ATP6V1G3: variants seen among roughly 807,000 people sequenced by gnomAD.
ATP6V1G3 encodes the protein ATPase H+ transporting V1 subunit G3, also known as V-type proton ATPase subunit G 3.
ATP6V1G3 carries 9 observed loss-of-function variants against 9.3 expected under a neutral mutation model. The ratio of observed to expected loss-of-function variants is 0.97; its 90% confidence interval spans 0.59 to 1.69. The LOEUF (loss-of-function observed/expected upper bound fraction) is 1.69. Ranked by LOEUF, ATP6V1G3 falls within the 40% of genes most tolerant of loss-of-function variation. The pLI is 0.00. For synonymous variants in ATP6V1G3, 43 were observed against 43.8 expected, an observed-to-expected ratio of 0.98 and a Z score of 0.07; for missense variants, 133 against 139.0, an observed-to-expected ratio of 0.96 and a Z score of 0.22.
rs141875719 is a variant in ATP6V1G3 at position 198,524,164 on chromosome 1, G to A, written c.184-600C>T. ...TTTTTAGATGGGTTCTCACTGTGTCGCCCAGGCTGGAGTGCAATAGCGTAG... is the reference window on the plus strand; with the variant it reads ...TTTTTAGATGGGTTCTCACTGTGTCACCCAGGCTGGAGTGCAATAGCGTAG... On this transcript the variant is annotated intron_variant, in intron 2 of 2. Transcript: ENST00000367382. Among the ~76,000 whole-genome samples, 797 of 141,314 alleles carry A rather than the reference G, an allele frequency of 5.6e-3. 18 individuals are homozygous for A. The highest frequency in any genetic ancestry group is 0.048 in the Admixed American group (660 of 13,614). The allele number at this position is 141,314 out of a possible 152,430, so 92.7% of individuals were successfully genotyped here.
chr1:198,531,012 AT>A (rs1659877125), intron 1 of ATP6V1G3, among the ~76,000 whole-genome samples: 1 of 152,192 alleles, frequency 6.6e-6, no homozygotes, highest in East Asian at 1.9e-4. Context: ...TAAAAAAAAA[AT>A]CATAGGAAAG....
rs548534525 is a variant in ATP6V1G3 at position 198,532,772 on chromosome 1, T to G, written c.83-3591A>C. Among the ~76,000 whole-genome samples the G allele has an allele frequency of 2.6e-5, 4 of 152,180 alleles. 1 individual carries two copies. Among genetic ancestry groups the G allele is most frequent in the Admixed American group, 1.3e-4 (2 of 15,278 alleles). ...TCCTCCAGGCAGAGGGAACAGCAAGTGCAGAGGCCCTGAGGTGGGAGGATA... is the reference window on the plus strand; with the variant it reads ...TCCTCCAGGCAGAGGGAACAGCAAGGGCAGAGGCCCTGAGGTGGGAGGATA... On this transcript the variant is annotated intron_variant, in intron 1 of 2. Transcript: ENST00000367382.
intron 1 of ATP6V1G3, among the ~76,000 whole-genome samples, chr1:198,534,209 G>T (rs138646156): frequency 0.014 from 2,070 of 152,250 alleles, 20 homozygotes; most frequent in Non-Finnish European, 0.021. Flanking sequence ...TTAAAATGAG[G>T]TATAAGGGAT....
At chr1:198,530,253 A>T (rs770255792) in intron 1 of ATP6V1G3, among the ~76,000 whole-genome samples, 2 of 152,050 alleles carry the variant, frequency 1.3e-5, no homozygotes, top group Non-Finnish European at 2.9e-5. Context: ...ACCATTTGTT[A>T]TATTGTAAAG....
At position 198,523,378 on chromosome 1, in the gene ATP6V1G3, CTG is replaced by C. The variant is rs780883411; in HGVS notation, c.*11_*12del. ...CACACACCTTTTTTTTTCTTGAAAACTGTGATGTACATTTAGTTGGTGGCTCT... is the reference window on the plus strand; with the variant it reads ...CACACACCTTTTTTTTTCTTGAAAACTGATGTACATTTAGTTGGTGGCTCT... On this transcript the variant is annotated 3_prime_UTR_variant, in exon 3 of 3. Transcript: ENST00000367382. 1 of 1,604,538 alleles carries C rather than the reference CTG, an allele frequency of 6.2e-7. No individual in the cohort carries two copies. The highest frequency in any genetic ancestry group is 2.2e-5 in the East Asian group (1 of 44,630).
Position 198,523,447 on chromosome 1 carries a change from T to G in ATP6V1G3, c.301A>C (p.Ser101Arg), listed in dbSNP as rs775784481. 2 of 1,613,634 alleles carry G rather than the reference T, an allele frequency of 1.2e-6. No homozygotes were observed. Among genetic ancestry groups the G allele is most frequent in the East Asian group, 4.5e-5 (2 of 44,806 alleles). ...TCTGGTTTCATGTCACAGACCATGC[T>G]CAAGAGCTGGTTCATCACACTTTCC... is the stretch of plus-strand genomic sequence containing the variant. ...YMESVMNQLL[S>R]MVCDMKPEIH... Residue 101 changes from serine to arginine, a missense_variant, in exon 3 of 3, where the codon AGC (serine) becomes CGC (arginine). Ser to Arg is a moderately radical substitution (Grantham distance 110, BLOSUM62 -1). Coordinates refer to ENST00000367382, the MANE Select transcript of ATP6V1G3 (RefSeq NM_001376861.1).
At position 198,530,292 on chromosome 1, in the gene ATP6V1G3, A is replaced by G. The variant is rs183992214; in HGVS notation, c.83-1111T>C. Among the ~76,000 whole-genome samples, 383 of 152,306 alleles carry G rather than the reference A, an allele frequency of 2.5e-3. 2 individuals are homozygous for G. The highest frequency in any genetic ancestry group is 6.1e-3 in the African/African-American group (254 of 41,574). On this transcript the variant is annotated intron_variant, in intron 1 of 2. Transcript: ENST00000367382. ...TTGAACTAAAGAATAATGTGTTCTCAGGTAGCATGAAAGAAAATCTTAGTG... is the reference window on the plus strand; with the variant it reads ...TTGAACTAAAGAATAATGTGTTCTCGGGTAGCATGAAAGAAAATCTTAGTG...
At chr1:198,527,145 C>T (rs2103131709) in intron 2 of ATP6V1G3, among the ~76,000 whole-genome samples, 1 of 152,252 alleles carries the variant, frequency 6.6e-6, no homozygotes, top group Admixed American at 6.5e-5. Context: ...TCCTCCCAGA[C>T]CTCCTAATTG....
At chr1:198,529,326 A>G in intron 1 of ATP6V1G3, 145 bp from the exon 2 acceptor site, 1 of 208,874 alleles carries the variant, frequency 4.8e-6, no homozygotes, top group Non-Finnish European at 9.0e-6. Flanking sequence ...CTGCAAACTT[A>G]GTTTTTTTAA....
chr1:198,536,847 G>T, intron 1 of ATP6V1G3: 1 of 777,180 alleles, frequency 1.3e-6, no homozygotes. Context: ...AATAACTCTA[G>T]TGTGTATTTT....
In ATP6V1G3 at chr1:198,523,461, A is replaced by G. The variant is rs1202259334; in HGVS notation, c.287T>C (p.Met96Thr). The G allele has an allele frequency of 6.2e-7, 1 of 1,613,660 alleles. No homozygotes were observed. Among genetic ancestry groups the G allele is most frequent in the Non-Finnish European group, 8.5e-7 (1 of 1,179,788 alleles). The change falls in exon 3 of 3, where the codon ATG becomes ACG. Residue 96 changes from methionine to threonine, a missense_variant. By Grantham distance (81) the Met-to-Thr change is moderately conservative (BLOSUM62 -1). Coordinates refer to ENST00000367382, the MANE Select transcript of ATP6V1G3 (RefSeq NM_001376861.1). ...GHYNKYMESV[M>T]NQLLSMVCDM... ...ACAGACCATGCTCAAGAGCTGGTTC[A>G]TCACACTTTCCATATACTTATTGTA...
chr1:198,535,799 A>C (rs1660085265), intron 1 of ATP6V1G3, among the ~76,000 whole-genome samples: 1 of 152,098 alleles, frequency 6.6e-6, no homozygotes, highest in South Asian at 2.1e-4. Context: ...AACCCACCCA[A>C]GGTCACACAG....
At chr1:198,523,595 C>A (rs1474173082) in intron 2 of ATP6V1G3, 31 bp from the exon 3 acceptor site, 2 of 1,589,688 alleles carry the variant, frequency 1.3e-6, no homozygotes, top group African/African-American at 1.4e-5. Flanking sequence ...GAATTCACAT[C>A]ATAATACAAT....
intron 1 of ATP6V1G3, among the ~76,000 whole-genome samples, chr1:198,539,323 A>G (rs1660254227): frequency 6.6e-6 from 1 of 152,204 alleles, no homozygotes; most frequent in Non-Finnish European, 1.5e-5. Context: ...ACCTACTCCA[A>G]TCCCATCACT....
intron 2 of ATP6V1G3, among the ~76,000 whole-genome samples, chr1:198,528,588 T>C (rs1019051639): frequency 5.9e-5 from 9 of 152,090 alleles, no homozygotes; most frequent in Non-Finnish European, 1.2e-4. Context: ...ATTTATTGAA[T>C]GAGTCAGCCA....
chr1:198,534,609 G>A (rs1660034242), intron 1 of ATP6V1G3, among the ~76,000 whole-genome samples: 2 of 152,266 alleles, frequency 1.3e-5, no homozygotes, highest in South Asian at 4.2e-4. Context: ...GAGCATTGGA[G>A]ACAAAGCCAG....
intron 1 of ATP6V1G3, among the ~76,000 whole-genome samples, chr1:198,538,756 G>A (rs1321748670): frequency 6.6e-6 from 1 of 151,620 alleles, no homozygotes; most frequent in African/African-American, 2.4e-5. Context: ...TACAAAAATT[G>A]GCCGGGTGTG....
At chr1:198,526,263 T>A (rs998299800) in intron 2 of ATP6V1G3, among the ~76,000 whole-genome samples, 1 of 152,134 alleles carries the variant, frequency 6.6e-6, no homozygotes, top group Admixed American at 6.6e-5. Flanking sequence ...TTTCAGTGAA[T>A]GAATGTAAGT....
intron 2 of ATP6V1G3, among the ~76,000 whole-genome samples, chr1:198,524,683 G>C (rs1246171350): frequency 6.6e-6 from 1 of 152,122 alleles, no homozygotes; most frequent in African/African-American, 2.4e-5. Context: ...AAGGAATTCT[G>C]CAGTGAAACA....
Sources: allele counts gnomAD v4.1 joint callset (sites outside exome capture counted in the v4.1 genomes callset), GRCh38; gene constraint gnomAD v4.1.1; transcripts MANE v1.5; gene names NCBI Gene and HGNC (gene_info 2026-07-23, HGNC 2026-07-21).